Variants in NRXN3 observed in about 807,000 individuals in gnomAD.
NRXN3 encodes neurexin 3.
Under a neutral mutation model 137.6 loss-of-function variants are expected in NRXN3, and 32 were observed. That is an observed-to-expected ratio of 0.23 (90% CI 0.18 to 0.31). NRXN3 has a LOEUF of 0.31. Ranked by LOEUF, NRXN3 falls within the 10% of genes least tolerant of loss-of-function variation. The pLI is 1.00. For synonymous variants in NRXN3, 798 were observed against 784.5 expected (o/e 1.02, Z -0.29); for missense variants, 1,574 against 2,062.5 (o/e 0.76, Z 4.59).
intron 8 of NRXN3, among the ~76,000 whole-genome samples, chr14:78,771,869 G>A (rs75651005): frequency 2.0e-5 from 3 of 152,138 alleles, no homozygotes; most frequent in Admixed American, 2.0e-4. Context: ...TACAGATTGA[G>A]TATTCCTTAT....
At chr14:79,831,428 C>T (rs1392602818) in intron 20 of NRXN3, among the ~76,000 whole-genome samples, 1 of 152,166 alleles carries the variant, frequency 6.6e-6, no homozygotes, top group Non-Finnish European at 1.5e-5. Flanking sequence ...AAAGGCTTGA[C>T]GATTGCCCAT....
At chr14:79,103,654 C>A (rs551372176) in intron 15 of NRXN3, among the ~76,000 whole-genome samples, 3 of 152,154 alleles carry the variant, frequency 2.0e-5, no homozygotes, top group Non-Finnish European at 4.4e-5. Context: ...TGCCCAAGTT[C>A]CTGCAATGAT....
chr14:79,215,916 A>G (rs1303954564), intron 15 of NRXN3, among the ~76,000 whole-genome samples: 1 of 152,318 alleles, frequency 6.6e-6, no homozygotes, highest in African/African-American at 2.4e-5. Context: ...TCTTCCAGAG[A>G]TTATTCTGGT....
chr14:79,661,333 T>G (rs982467649), intron 16 of NRXN3, among the ~76,000 whole-genome samples: 9 of 152,154 alleles, frequency 5.9e-5, no homozygotes, highest in Non-Finnish European at 1.2e-4. Context: ...AAGGAAATAC[T>G]GAGGTCCACC....
At chr14:78,252,997 G>A (rs994345723) in intron 2 of NRXN3, among the ~76,000 whole-genome samples, 1 of 152,086 alleles carries the variant, frequency 6.6e-6, no homozygotes, top group African/African-American at 2.4e-5. Flanking sequence ...CTTTCCAGAC[G>A]GGGCCCTGTA....
At chr14:78,598,925 T>TA (rs1311080017) in intron 4 of NRXN3, among the ~76,000 whole-genome samples, 5 of 152,332 alleles carry the variant, frequency 3.3e-5, no homozygotes, top group South Asian at 4.1e-4. Flanking sequence ...CTGGTTACAA[T>TA]AAAAAAGCTG....
chr14:78,578,833 T>G (rs930989407), intron 4 of NRXN3, among the ~76,000 whole-genome samples: 5 of 152,140 alleles, frequency 3.3e-5, no homozygotes, highest in African/African-American at 9.7e-5. Flanking sequence ...CCGAGGCTGC[T>G]TCATCAAGCT....
intron 1 of NRXN3, among the ~76,000 whole-genome samples, chr14:78,235,594 G>GT (rs1319115899): frequency 2.1e-5 from 3 of 142,488 alleles, no homozygotes; most frequent in African/African-American, 8.0e-5. Flanking sequence ...TTAGTTTTTA[G>GT]TAAAAAAAAA....
rs1363080713 is a variant in NRXN3 at position 79,305,947 on chromosome 14, C to G, written c.3263-161274C>G. On this transcript the variant is annotated intron_variant, in intron 15 of 20. Transcript: ENST00000335750. ...GTATCAATGGGACTGGGATATTACT[C>G]TAAATCTATGGAAACTTCAAGAACA... Among the ~76,000 whole-genome samples, 3 of 152,078 alleles carry G rather than the reference C, an allele frequency of 2.0e-5. No homozygotes were observed. In the East Asian group the frequency reaches 5.8e-4, roughly 29 times the overall value.
intron 15 of NRXN3, among the ~76,000 whole-genome samples, chr14:79,207,227 AT>A (rs964621345): frequency 6.6e-6 from 1 of 152,130 alleles, no homozygotes; most frequent in African/African-American, 2.4e-5. Flanking sequence ...TTCACCTGGG[AT>A]TTTTTAATAA....
intron 4 of NRXN3, among the ~76,000 whole-genome samples, chr14:78,431,652 T>G (rs1027280162): frequency 6.6e-6 from 1 of 152,078 alleles, no homozygotes; most frequent in African/African-American, 2.4e-5. Context: ...GGAGGGAGCA[T>G]CTGAAAAAAA....
chr14:78,709,273 G>T lies in NRXN3; in HGVS notation c.1278G>T (p.Ala426=). The T allele has an allele frequency of 6.2e-7, 1 of 1,614,042 alleles. No individual in the cohort carries two copies. The highest frequency in any genetic ancestry group is 1.1e-5 in the South Asian group (1 of 91,074). The change falls in exon 7 of 21, where the codon GCG becomes GCT. Residue 426 remains alanine (A), a synonymous_variant. Transcript: ENST00000335750. ...AGCTGTCTCGCCTGGCCCGGATTGCGGACACCAAGATGAAAATCTATGGCG... is the reference window on the plus strand; with the variant it reads ...AGCTGTCTCGCCTGGCCCGGATTGCTGACACCAAGATGAAAATCTATGGCG... The part of the protein sequence containing the change: ...RLELSRLARI[A]DTKMKIYGEV...
At chr14:78,445,452 A>G (rs1442011119) in intron 4 of NRXN3, among the ~76,000 whole-genome samples, 1 of 152,230 alleles carries the variant, frequency 6.6e-6, no homozygotes, top group Non-Finnish European at 1.5e-5. Flanking sequence ...AGAGAGCCTT[A>G]TCAGATAGAA....
At chr14:79,026,953 TATATATATATATA>T (rs1568032864) in intron 15 of NRXN3, among the ~76,000 whole-genome samples, 1 of 132 alleles carries the variant, frequency 7.6e-3, no homozygotes, top group African/African-American at 0.012. Context: ...TATAATTTTA[TATATATATATATA>T]TATATATATA....
At chr14:79,306,027 A>G (rs958310508) in intron 15 of NRXN3, among the ~76,000 whole-genome samples, 1 of 152,118 alleles carries the variant, frequency 6.6e-6, no homozygotes, top group African/African-American at 2.4e-5. Context: ...AATAGCCACC[A>G]GGCTGGATGA....
At chr14:78,740,869 AAT>A (rs1352445602) in intron 8 of NRXN3, among the ~76,000 whole-genome samples, 2 of 152,072 alleles carry the variant, frequency 1.3e-5, no homozygotes, top group Non-Finnish European at 2.9e-5. Flanking sequence ...ATTTTAATTT[AAT>A]ATGTTTTCAG....
intron 1 of NRXN3, among the ~76,000 whole-genome samples, chr14:78,200,224 A>G (rs995950456): frequency 6.6e-6 from 1 of 152,152 alleles, no homozygotes; most frequent in South Asian, 2.1e-4. Flanking sequence ...CAAATCTTCA[A>G]CCATCTGTTA....
intron 1 of NRXN3, among the ~76,000 whole-genome samples, chr14:78,229,698 C>T (rs1039635459): frequency 2.6e-5 from 4 of 152,218 alleles, no homozygotes; most frequent in Admixed American, 1.3e-4. Flanking sequence ...AACCTACCAT[C>T]GTTCTAAGCT....
At chr14:78,908,349 T>A (rs1215020022) in intron 10 of NRXN3, among the ~76,000 whole-genome samples, 1 of 152,094 alleles carries the variant, frequency 6.6e-6, no homozygotes, top group East Asian at 1.9e-4. Context: ...TCAGTCATGA[T>A]ACTTTGGTTT....
Sources: allele counts gnomAD v4.1 joint callset (sites outside exome capture counted in the v4.1 genomes callset), GRCh38; gene constraint gnomAD v4.1.1; transcripts MANE v1.5; gene names NCBI Gene and HGNC (gene_info 2026-07-23, HGNC 2026-07-21).